Variants in GFRA2 observed in about 807,000 individuals in gnomAD.
The protein encoded by GFRA2 is GDNF family receptor alpha-2.
Under a neutral mutation model 48.3 loss-of-function variants are expected in GFRA2, and 17 were observed. The ratio of observed to expected loss-of-function variants is 0.35; its 90% CI spans 0.24 to 0.53. The LOEUF is 0.53. Ranked by LOEUF, GFRA2 falls within the 20% of genes least tolerant of loss-of-function variation. The pLI, the probability that GFRA2 is intolerant of heterozygous loss-of-function variation, is 0.93. For missense variants in GFRA2, 660 were observed against 637.3 expected, an observed-to-expected ratio of 1.04 and a Z score of -0.38; for synonymous variants, 305 against 257.2, an observed-to-expected ratio of 1.19 and a Z score of -1.78.
intron 4 of GFRA2, among the ~76,000 whole-genome samples, chr8:21,708,947 T>C (rs1467488213): frequency 6.6e-6 from 1 of 152,212 alleles, no homozygotes; most frequent in Non-Finnish European, 1.5e-5. Context: ...AATGCAGCCC[T>C]TTCAAAGACT....
intron 3 of GFRA2, among the ~76,000 whole-genome samples, chr8:21,755,820 G>T (rs1805540865): frequency 6.6e-6 from 1 of 152,264 alleles, no homozygotes; most frequent in Non-Finnish European, 1.5e-5. Flanking sequence ...GGAATGCCAA[G>T]ACAAGGGCCT....
intron 4 of GFRA2, among the ~76,000 whole-genome samples, chr8:21,709,319 A>T (rs1422098609): frequency 6.6e-6 from 1 of 152,216 alleles, no homozygotes; most frequent in East Asian, 1.9e-4. Context: ...CATAGCCTGG[A>T]CCAGGCAACT....
At chr8:21,734,683 G>C (rs4363183) in intron 4 of GFRA2, among the ~76,000 whole-genome samples, 11 of 152,188 alleles carry the variant, frequency 7.2e-5, no homozygotes, top group Non-Finnish European at 1.5e-4. Flanking sequence ...CCAGGGAGGC[G>C]AGACTTGACC....
chr8:21,801,834 C>T (rs1807776198), intron 2 of GFRA2, among the ~76,000 whole-genome samples: 1 of 152,236 alleles, frequency 6.6e-6, no homozygotes, highest in Admixed American at 6.5e-5. Flanking sequence ...CCTCGCCAAA[C>T]TGTCCACGCC....
chr8:21,754,122 A>G (rs1011307623), intron 3 of GFRA2, among the ~76,000 whole-genome samples: 1 of 151,860 alleles, frequency 6.6e-6, no homozygotes, highest in Admixed American at 6.6e-5. Flanking sequence ...ACTCCGACCT[A>G]TTTTTCCCAC....
Position 21,764,526 on chromosome 8 carries a change from C to T in GFRA2, c.439+10446G>A, listed in dbSNP as rs542411331. Among the ~76,000 whole-genome samples, 11 of 152,340 alleles carry T rather than the reference C, an allele frequency of 7.2e-5. 1 individual carries two copies. The South Asian group carries it at 2.3e-3, about 32-fold the overall frequency. The stretch of plus-strand genomic sequence containing the variant: ...AGAAAATAGATTTGGACAGAAATGC[C>T]CTCGCCTTGTCACCCACCAGTGACC... On this transcript the variant is annotated intron_variant, in intron 3 of 8. Coordinates refer to ENST00000524240, the MANE Select transcript of GFRA2 (RefSeq NM_001495.5).
chr8:21,811,829 G>C (rs775567651), intron 1 of GFRA2, among the ~76,000 whole-genome samples: 47 of 151,368 alleles, frequency 3.1e-4, no homozygotes, highest in Non-Finnish European at 5.0e-4. Flanking sequence ...CTCACAGGAA[G>C]TTGTAAAAAT....
intron 4 of GFRA2, among the ~76,000 whole-genome samples, chr8:21,743,453 C>G (rs1359712946): frequency 1.3e-5 from 2 of 152,170 alleles, no homozygotes. Context: ...GAGTGAAAAG[C>G]TATCTTCTAC....
intron 3 of GFRA2, among the ~76,000 whole-genome samples, chr8:21,756,044 C>G (rs139757157): frequency 1.1e-4 from 17 of 152,276 alleles, no homozygotes; most frequent in Non-Finnish European, 2.1e-4. Context: ...CGGCCGGGGG[C>G]CAAGGTGAGG....
At chr8:21,783,527 T>C (rs1314797975) in intron 1 of GFRA2, among the ~76,000 whole-genome samples, 5 of 152,008 alleles carry the variant, frequency 3.3e-5, no homozygotes, top group African/African-American at 1.2e-4. Flanking sequence ...CGATTCCCAG[T>C]GTACTCACTC....
intron 4 of GFRA2, among the ~76,000 whole-genome samples, chr8:21,749,687 A>G (rs1805182330): frequency 6.6e-6 from 1 of 151,798 alleles, no homozygotes; most frequent in African/African-American, 2.4e-5. Context: ...TTTTATATAT[A>G]TATAAAGCCA....
chr8:21,701,978 C>G (rs10096659), intron 7 of GFRA2, among the ~76,000 whole-genome samples: 3 of 152,218 alleles, frequency 2.0e-5, no homozygotes, highest in Non-Finnish European at 4.4e-5. Context: ...CCAGATGGGC[C>G]GGTCCAAGAG....
upstream of GFRA2, among the ~76,000 whole-genome samples, chr8:21,790,813 CTCTTG>C (rs1807557229): frequency 6.6e-6 from 1 of 152,206 alleles, no homozygotes; most frequent in Admixed American, 6.5e-5. Context: ...CTGACAAGGT[CTCTTG>C]GCTTTTTTTC....
chr8:21,810,439 T>C (rs1014108363), intron 1 of GFRA2, among the ~76,000 whole-genome samples: 1 of 152,238 alleles, frequency 6.6e-6, no homozygotes, highest in Non-Finnish European at 1.5e-5. Context: ...CCTGGGCTTT[T>C]GCTGCCAATA....
intron 7 of GFRA2, among the ~76,000 whole-genome samples, chr8:21,700,822 C>A (rs1043984976): frequency 6.6e-6 from 1 of 152,134 alleles, no homozygotes; most frequent in Non-Finnish European, 1.5e-5. Context: ...CAGGCTCCCC[C>A]ACCCTTCCTC....
At chr8:21,697,922 G>A (rs770895799) in intron 7 of GFRA2, among the ~76,000 whole-genome samples, 13 of 152,132 alleles carry the variant, frequency 8.5e-5, no homozygotes, top group Non-Finnish European at 1.3e-4. Flanking sequence ...AGGCCTCCCC[G>A]GCCATGTGGA....
intron 4 of GFRA2, among the ~76,000 whole-genome samples, chr8:21,730,141 G>A (rs551625557): frequency 4.6e-5 from 7 of 152,118 alleles, no homozygotes; most frequent in South Asian, 2.1e-4. Flanking sequence ...GCGGTGGCTC[G>A]CACTTGTAAT....
At position 21,768,540 on chromosome 8, in the gene GFRA2, G is replaced by C. The variant is rs369146179; in HGVS notation, c.439+6432C>G. On this transcript the variant is annotated intron_variant, in intron 3 of 8. Transcript: ENST00000524240. ...TTGCTCAGCAGCCCAAGGAGAGCAG[G>C]GGGTGCCTGCACAAAGGCTGGGTCT... 1.2e-3 allele frequency among the ~76,000 whole-genome samples: 188 copies of C among 152,250 alleles called. 1 individual carries two copies. The Middle Eastern group carries it at 0.017, about 14-fold the overall frequency.
At chr8:21,693,777 G>GA (rs372010219) in intron 8 of GFRA2, among the ~76,000 whole-genome samples, 29 of 690 alleles carry the variant, frequency 0.042, no homozygotes, top group South Asian at 0.3. Flanking sequence ...GAGGAGAGAG[G>GA]AAGGAGAGGG....
Sources: allele counts gnomAD v4.1 joint callset (sites outside exome capture counted in the v4.1 genomes callset), GRCh38; gene constraint gnomAD v4.1.1; transcripts MANE v1.5; gene names NCBI Gene and HGNC (gene_info 2026-07-23, HGNC 2026-07-21).